Variants in SLC6A7 observed in about 807,000 individuals in gnomAD.
SLC6A7 encodes solute carrier family 6 member 7.
In SLC6A7, 58 loss-of-function variants were observed where a neutral mutation model predicts 73.1. The observed-to-expected ratio is 0.79, with a 90% confidence interval of 0.64 to 0.99. SLC6A7 has a LOEUF of 0.99. Among genes scored for constraint, SLC6A7 ranks in the 50% least tolerant of loss-of-function variants. The pLI, the probability that SLC6A7 is intolerant of heterozygous loss-of-function variation, is 0.00. For synonymous variants in SLC6A7, 338 were observed against 338.7 expected (o/e 1.00, Z 0.02); for missense variants, 783 against 831.4 (o/e 0.94, Z 0.72).
chr5:150,192,058 T>C (rs1752814469), intron 1 of SLC6A7, among the ~76,000 whole-genome samples: 1 of 151,842 alleles, frequency 6.6e-6, no homozygotes, highest in Admixed American at 6.6e-5. Context: ...TCTAGGTTGC[T>C]ACCTCCTCTC....
rs1312618991 is a variant in SLC6A7 at position 150,210,607 on chromosome 5, C to G, written c.*992C>G. 2 of 152,422 alleles carry G rather than the reference C, an allele frequency of 1.3e-5. No individual in the cohort carries two copies. 9.4% of individuals were successfully genotyped at this position (152,422 alleles called of 1,614,324 possible). A position where few individuals can be genotyped will look rare whatever the true frequency, so the allele number is the denominator to read the frequency against. On this transcript the variant is annotated 3_prime_UTR_variant, in exon 14 of 14. Coordinates refer to ENST00000230671, the MANE Select transcript of SLC6A7 (RefSeq NM_014228.5). The stretch of plus-strand genomic sequence containing the variant: ...CCCACTGGACCCCAAGCCGCAAAAG[C>G]TGGGGAGGTAGGAAGGGTCACTGTG...
chr5:150,199,149 G>A, intron 4 of SLC6A7, 79 bp from the exon 5 acceptor site: 1 of 1,485,996 alleles, frequency 6.7e-7, no homozygotes, highest in Admixed American at 2.2e-5. Flanking sequence ...AGAGCCTTGT[G>A]GGCTGGACAT....
chr5:150,199,258 G>A lies in SLC6A7; in HGVS notation c.615G>A (p.Gln205=). 1 of 1,611,030 alleles carries A rather than the reference G, an allele frequency of 6.2e-7. No homozygotes were observed. Among genetic ancestry groups the A allele is most frequent in the Non-Finnish European group, 8.5e-7 (1 of 1,178,262 alleles). The change falls in exon 5 of 14, where the codon CAG becomes CAA. Residue 205 remains glutamine, a synonymous_variant. Transcript: ENST00000230671. The part of the protein sequence containing the change: ...SRYVLHIQGS[Q]GIGSPGEIRW... ...ACGTCCTCCACATCCAAGGCAGCCAGGGCATCGGCAGCCCTGGGGAGATCC... is the reference window on the plus strand; with the variant it reads ...ACGTCCTCCACATCCAAGGCAGCCAAGGCATCGGCAGCCCTGGGGAGATCC...
In SLC6A7 at chr5:150,201,296, G is replaced by A. The variant is rs1753371461; in HGVS notation, c.858+73G>A. On this transcript the variant is annotated intron_variant, in intron 6 of 13. Transcript: ENST00000230671. ...GGAGAGTGGAAAGAGGGCTCCCTGG[G>A]ACACCGCAGTACCAGGCACTCTGCT... The A allele has an allele frequency of 1.2e-5, 14 of 1,205,702 alleles. No individual in the cohort carries two copies. The South Asian group carries it at 1.9e-4, about 16-fold the overall frequency. The allele number at this position is 1,205,702 out of a possible 1,614,324, so 74.7% of individuals were successfully genotyped here. A position where few individuals can be genotyped will look rare whatever the true frequency, so the allele number is the denominator to read the frequency against.
At chr5:150,195,882 C>G (rs1273517487) in intron 2 of SLC6A7, among the ~76,000 whole-genome samples, 1 of 152,208 alleles carries the variant, frequency 6.6e-6, no homozygotes, top group Non-Finnish European at 1.5e-5. Context: ...CCCTACTCTT[C>G]CTCTCTGTGT....
intron 5 of SLC6A7, among the ~76,000 whole-genome samples, chr5:150,200,003 G>C (rs1753284074): frequency 6.6e-6 from 1 of 152,158 alleles, no homozygotes; most frequent in South Asian, 2.1e-4. Context: ...ATTAATCCCT[G>C]TGGCCCGGAG....
In SLC6A7 at chr5:150,202,359, G is replaced by A. The variant is rs550160630; in HGVS notation, c.871G>A (p.Ala291Thr). 3 of 1,613,708 alleles carry A rather than the reference G, an allele frequency of 1.9e-6. No individual in the cohort carries two copies. Among genetic ancestry groups the A allele is most frequent in the South Asian group, 2.2e-5 (2 of 91,080 alleles). Residue 291 changes from alanine to threonine, a missense_variant, in exon 7 of 14, where the codon GCT becomes ACT. Ala to Thr is a moderately conservative substitution (Grantham distance 58, BLOSUM62 0). Transcript: ENST00000230671. Reference sequence around the variant, plus strand: ...CTTCCCGGCACAGGTGTGGATTGAAGCTGCTCTTCAGATCTTCTATTCCCT... The same window carrying A: ...CTTCCCGGCACAGGTGTGGATTGAAACTGCTCTTCAGATCTTCTATTCCCT... ...HLLSSKVWIE[A>T]ALQIFYSLGV...
rs886829985 is a variant in SLC6A7, at chr5:150,197,039, C to A, written c.350-3C>A. On this transcript the variant is annotated splice_polypyrimidine_tract_variant and splice_region_variant and intron_variant, in intron 3 of 13. Transcript: ENST00000230671. ...GCAGCCCAGCAGCCTCTCCCCACAC[C>A]AGGCGCCGGCGCAGCCATGCTGCTC... is the stretch of plus-strand genomic sequence containing the variant. 6 of 1,612,922 alleles carry A rather than the reference C, an allele frequency of 3.7e-6. No homozygotes were observed. In the Admixed American group the frequency reaches 6.7e-5, roughly 18 times the overall value.
chr5:150,204,988 C>T (rs1753611803), intron 12 of SLC6A7, 61 bp downstream of exon 12: 1 of 1,090,536 alleles, frequency 9.2e-7, no homozygotes, highest in Non-Finnish European at 1.4e-6. Flanking sequence ...CGGGAGTCCC[C>T]TCTGCACGTT....
rs750503582 is a variant in SLC6A7 at position 150,203,828 on chromosome 5, T to G, written c.1200+49T>G. The G allele has an allele frequency of 1.4e-5, 16 of 1,116,174 alleles. No homozygotes were observed. The African/African-American group carries it at 2.4e-4, about 17-fold the overall frequency. 69.1% of individuals were successfully genotyped at this position (1,116,174 alleles called of 1,614,324 possible). ...GCACCCCGTGTGTGTGTGGTGTGTG[T>G]GTGTGTGTGTGTGTGTGTGTGTGTG... On this transcript the variant is annotated intron_variant, in intron 9 of 13. Coordinates refer to ENST00000230671, the MANE Select transcript of SLC6A7 (RefSeq NM_014228.5).
chr5:150,200,956 C>A, intron 5 of SLC6A7, 133 bp from the exon 6 acceptor site: 1 of 856,292 alleles, frequency 1.2e-6, no homozygotes, highest in South Asian at 1.6e-5. Context: ...GGAGGGAAGC[C>A]TCAAGGATGA....
intron 1 of SLC6A7, among the ~76,000 whole-genome samples, chr5:150,191,648 T>C (rs1701630798): frequency 6.6e-6 from 1 of 152,140 alleles, no homozygotes; most frequent in Non-Finnish European, 1.5e-5. Context: ...GCCAGGATGG[T>C]CTTGATCTTC....
At position 150,209,450 on chromosome 5, in the gene SLC6A7, G is replaced by T. The variant is rs17111043; in HGVS notation, c.1746G>T (p.Ser582=). Residue 582 remains serine (S), a synonymous_variant, in exon 14 of 14, where the codon TCG becomes TCT. Transcript: ENST00000230671. ...ASRPAMDWGP[S]LEENRTGMYV... Reference sequence around the variant, plus strand: ...GGCCGGCCATGGACTGGGGACCATCGCTGGAGGAGAACCGGACGGGCATGT... The same window carrying T: ...GGCCGGCCATGGACTGGGGACCATCTCTGGAGGAGAACCGGACGGGCATGT... 1.9e-5 allele frequency: 31 copies of T among 1,614,070 alleles called. No individual in the cohort carries two copies. Among genetic ancestry groups the T allele is most frequent in the Non-Finnish European group, 2.4e-5 (28 of 1,180,048 alleles).
chr5:150,203,815 TGTGTG>T (rs1215004504), intron 9 of SLC6A7, 36 bp downstream of exon 9: 4 of 1,450,894 alleles, frequency 2.8e-6, no homozygotes, highest in Non-Finnish European at 2.9e-6. Flanking sequence ...ACCCCGTGTG[TGTGTG>T]GTGTGTGTGT....
At position 150,190,336 on chromosome 5, in the gene SLC6A7, G is replaced by A. The variant is rs1462995532; in HGVS notation, c.9G>A (p.Lys3=). Residue 3 remains lysine, a synonymous_variant, in exon 1 of 14, where the codon AAG becomes AAA. Transcript: ENST00000230671. MK[K]LQGAHLRKPV... is the part of the protein sequence containing the mutation. ...GCCACCCGCTCTCCAAGATGAAGAA[G>A]CTCCAGGGAGCTCACCTCCGCAAGG... is the stretch of plus-strand genomic sequence containing the variant. 1.3e-6 allele frequency: 2 copies of A among 1,509,902 alleles called. No homozygotes were observed. The highest frequency in any genetic ancestry group is 1.9e-4 in the Middle Eastern group (1 of 5,228). The allele number at this position is 1,509,902 out of a possible 1,614,324, so 93.5% of individuals were successfully genotyped here.
intron 1 of SLC6A7, among the ~76,000 whole-genome samples, chr5:150,191,873 G>A (rs1425364462): frequency 5.9e-5 from 9 of 151,776 alleles, no homozygotes; most frequent in Non-Finnish European, 8.8e-5. Context: ...CTCTTGCTGG[G>A]TGCTGGGCTG....
chr5:150,198,115 G>GGAAAGAAAA (rs1554115652), intron 4 of SLC6A7, among the ~76,000 whole-genome samples: 1 of 77,534 alleles, frequency 1.3e-5, no homozygotes, highest in South Asian at 4.4e-4. Flanking sequence ...AAGAAAGAAA[G>GGAAAGAAAA]AGAAAGAAAG....
chr5:150,207,845 T>C (rs1753774806), intron 13 of SLC6A7, among the ~76,000 whole-genome samples: 1 of 152,028 alleles, frequency 6.6e-6, no homozygotes. Flanking sequence ...CACTGGGTGC[T>C]CAATTTTAGG....
In SLC6A7 at chr5:150,201,858, C is replaced by T. The variant is rs140278891; in HGVS notation, c.859-489C>T. On this transcript the variant is annotated intron_variant, in intron 6 of 13. Transcript: ENST00000230671. ...TGCATGTGTGTAGTGATTTAACCCA[C>T]CCTCCTCCCATGAAGTAGGCACTAT... is the stretch of plus-strand genomic sequence containing the variant. 3.7e-3 allele frequency among the ~76,000 whole-genome samples: 567 copies of T among 152,282 alleles called. 1 individual carries two copies. Among genetic ancestry groups the T allele is most frequent in the Non-Finnish European group, 5.9e-3 (403 of 68,028 alleles).
Sources: allele counts gnomAD v4.1 joint callset (sites outside exome capture counted in the v4.1 genomes callset), GRCh38; gene constraint gnomAD v4.1.1; transcripts MANE v1.5; gene names NCBI Gene and HGNC (gene_info 2026-07-23, HGNC 2026-07-21).